Variants in PCNX2 observed in about 807,000 individuals in gnomAD.
PCNX2 encodes pecanex 2.
PCNX2 carries 168 observed loss-of-function variants against 223.8 expected under a neutral mutation model. The ratio of observed to expected loss-of-function variants is 0.75; its 90% CI spans 0.66 to 0.85. PCNX2 has a LOEUF of 0.85. Ranked by LOEUF, PCNX2 falls within the 40% of genes least tolerant of loss-of-function variation. The pLI is 0.00. For missense variants in PCNX2, 2,507 were observed against 2,675.5 expected, an observed-to-expected ratio of 0.94 and a Z score of 1.39; for synonymous variants, 1,006 against 1,052.6, an observed-to-expected ratio of 0.96 and a Z score of 0.86.
chr1:233,152,834 T>G (rs1453189072), intron 19 of PCNX2, among the ~76,000 whole-genome samples: 1 of 152,216 alleles, frequency 6.6e-6, no homozygotes, highest in African/African-American at 2.4e-5. Flanking sequence ...TAGGGAGCGC[T>G]TTCTGTCTGC....
intron 19 of PCNX2, among the ~76,000 whole-genome samples, chr1:233,145,737 G>T (rs1237767896): frequency 6.6e-6 from 1 of 152,082 alleles, no homozygotes; most frequent in Non-Finnish European, 1.5e-5. Flanking sequence ...TCAGTACATG[G>T]TAACAGTAAA....
chr1:233,026,391 C>T (rs553168999), intron 25 of PCNX2, among the ~76,000 whole-genome samples: 10 of 152,250 alleles, frequency 6.6e-5, no homozygotes, highest in African/African-American at 2.2e-4. Context: ...AGGGGCAGAT[C>T]CAACTTAGAA....
intron 23 of PCNX2, among the ~76,000 whole-genome samples, chr1:233,089,571 T>C (rs995711203): frequency 2.0e-5 from 3 of 152,228 alleles, no homozygotes; most frequent in Non-Finnish European, 2.9e-5. Context: ...GAAGAAATCA[T>C]CTTCACTTTT....
intron 21 of PCNX2, among the ~76,000 whole-genome samples, chr1:233,104,067 G>A (rs1296092704): frequency 6.6e-6 from 1 of 151,374 alleles, no homozygotes; most frequent in Non-Finnish European, 1.5e-5. Context: ...AAGTACTAGA[G>A]GAAAAAAAGG....
chr1:233,182,859 G>C (rs1460835355), intron 15 of PCNX2, among the ~76,000 whole-genome samples: 1 of 152,020 alleles, frequency 6.6e-6, no homozygotes, highest in Non-Finnish European at 1.5e-5. Flanking sequence ...CTCCTCCTTT[G>C]TGCATCAAAA....
intron 10 of PCNX2, 86 bp downstream of exon 10, chr1:233,227,126 AAATGTGCAAGTGAC>A (rs1657782595): frequency 7.5e-7 from 1 of 1,337,074 alleles, no homozygotes; most frequent in African/African-American, 1.5e-5. Context: ...TACAACTTGA[AAATGTGCAAGTGAC>A]AATGTTCTCT....
intron 22 of PCNX2, among the ~76,000 whole-genome samples, chr1:233,094,757 C>G (rs978221523): frequency 6.6e-6 from 1 of 152,158 alleles, no homozygotes; most frequent in Non-Finnish European, 1.5e-5. Flanking sequence ...TTCAAGTTAG[C>G]TAACAGCAGC....
intron 28 of PCNX2, among the ~76,000 whole-genome samples, chr1:233,009,574 G>A (rs547821392): frequency 1.1e-4 from 16 of 152,314 alleles, no homozygotes; most frequent in Admixed American, 8.5e-4. Context: ...CACATCAAGC[G>A]GATCAACTAC....
At chr1:233,026,415 C>T (rs535707815) in intron 25 of PCNX2, among the ~76,000 whole-genome samples, 55 of 152,258 alleles carry the variant, frequency 3.6e-4, no homozygotes, top group African/African-American at 9.4e-4. Context: ...GTTAGAGGAA[C>T]GGTTGGATGG....
At chr1:233,164,193 T>A (rs1318349999) in intron 17 of PCNX2, among the ~76,000 whole-genome samples, 1 of 152,140 alleles carries the variant, frequency 6.6e-6, no homozygotes, top group Non-Finnish European at 1.5e-5. Flanking sequence ...AAAAATATTT[T>A]AAAATGTGCA....
intron 18 of PCNX2, among the ~76,000 whole-genome samples, chr1:233,160,638 G>A (rs941571564): frequency 1.0e-5 from 1 of 98,006 alleles, no homozygotes; most frequent in Non-Finnish European, 2.3e-5. Flanking sequence ...GGGTGAGGGA[G>A]AACTAGCCTA....
At chr1:233,222,873 C>T (rs1657470680) in intron 10 of PCNX2, among the ~76,000 whole-genome samples, 2 of 152,162 alleles carry the variant, frequency 1.3e-5, no homozygotes, top group African/African-American at 4.8e-5. Context: ...TGTGAGATGT[C>T]ATCCTGAAAT....
At chr1:233,171,609 G>A (rs182995607) in intron 17 of PCNX2, among the ~76,000 whole-genome samples, 2 of 152,212 alleles carry the variant, frequency 1.3e-5, no homozygotes, top group Non-Finnish European at 2.9e-5. Flanking sequence ...CTTTAAGTTG[G>A]TCTGTGTGCT....
the PCNX2 span, among the ~76,000 whole-genome samples, chr1:233,326,652 A>T: frequency 6.6e-6 from 1 of 152,258 alleles, no homozygotes; most frequent in Non-Finnish European, 1.5e-5. Context: ...GTAACTCAGA[A>T]TGTTACTGTA....
intron 19 of PCNX2, among the ~76,000 whole-genome samples, chr1:233,149,293 CTT>C (rs771222782): frequency 2.1e-4 from 32 of 152,296 alleles, no homozygotes; most frequent in Non-Finnish European, 3.4e-4. Flanking sequence ...TGTTTAGACT[CTT>C]TATGCTACTA....
intron 23 of PCNX2, among the ~76,000 whole-genome samples, chr1:233,067,322 G>A (rs2102895844): frequency 3.1e-5 from 2 of 64,256 alleles, no homozygotes; most frequent in East Asian, 9.5e-4. Context: ...GTTTCAATGA[G>A]CAATTAAGAT....
At chr1:233,219,608 G>T (rs1039552837) in intron 10 of PCNX2, among the ~76,000 whole-genome samples, 1 of 152,012 alleles carries the variant, frequency 6.6e-6, no homozygotes, top group Non-Finnish European at 1.5e-5. Flanking sequence ...TGCCTAGCAA[G>T]TAGGCAATTG....
intron 28 of PCNX2, 145 bp downstream of exon 28, chr1:233,014,520 C>A: frequency 1.6e-6 from 1 of 642,668 alleles, no homozygotes; most frequent in South Asian, 2.0e-5. Flanking sequence ...TCATGTAGGC[C>A]CAATATAATT....
At chr1:233,029,724 T>C (rs1018463360) in intron 25 of PCNX2, among the ~76,000 whole-genome samples, 4 of 152,202 alleles carry the variant, frequency 2.6e-5, no homozygotes, top group Admixed American at 2.0e-4. Flanking sequence ...TATTATTCCA[T>C]TGTTTTCTGG....
Sources: allele counts gnomAD v4.1 joint callset (sites outside exome capture counted in the v4.1 genomes callset), GRCh38; gene constraint gnomAD v4.1.1; transcripts MANE v1.5; gene names NCBI Gene and HGNC (gene_info 2026-07-23, HGNC 2026-07-21).